JADE3: variants seen among roughly 807,000 people sequenced by gnomAD.
JADE3 encodes the protein jade family PHD finger 3.
Under a neutral mutation model 50.1 loss-of-function variants are expected in JADE3, and 2 were observed. The ratio of observed to expected loss-of-function variants is 0.04; its 90% CI spans 0.02 to 0.13. JADE3 has a LOEUF of 0.13. Among genes scored for constraint, JADE3 ranks in the 10% least tolerant of loss-of-function variants. The pLI, the probability that JADE3 is intolerant of heterozygous loss-of-function variation, is 1.00. For synonymous variants in JADE3, 218 were observed against 232.9 expected, an observed-to-expected ratio of 0.94 and a Z score of 0.58; for missense variants, 475 against 634.4, an observed-to-expected ratio of 0.75 and a Z score of 2.70.
chrX:46,949,301 G>A (rs1238966344), intron 1 of JADE3, among the ~76,000 whole-genome samples: 1 of 111,653 alleles, frequency 9.0e-6, no homozygotes, highest in Non-Finnish European at 1.9e-5. Flanking sequence ...GTTACATATA[G>A]TGCTTATCTG....
At chrX:46,926,655 C>G (rs1295415720) in intron 1 of JADE3, among the ~76,000 whole-genome samples, 1 of 112,524 alleles carries the variant, frequency 8.9e-6, no homozygotes, top group Non-Finnish European at 1.9e-5. Context: ...TTTGTGCTGA[C>G]TCTTTAGTCA....
At chrX:47,018,490 C>T (rs1050667002) in intron 4 of JADE3, among the ~76,000 whole-genome samples, 142 of 110,111 alleles carry the variant, frequency 1.3e-3, no homozygotes, top group African/African-American at 4.2e-3. Flanking sequence ...CCTGCCACCA[C>T]GCCCAGCTAA....
At chrX:46,960,644 C>T (rs782024817) in intron 1 of JADE3, among the ~76,000 whole-genome samples, 1 of 111,719 alleles carries the variant, frequency 9.0e-6, no homozygotes, top group East Asian at 2.8e-4. Flanking sequence ...GCACTGCATC[C>T]CATGAGCCTT....
intron 1 of JADE3, among the ~76,000 whole-genome samples, chrX:46,981,420 T>C (rs1247752714): frequency 8.9e-6 from 1 of 112,169 alleles, no homozygotes; most frequent in Non-Finnish European, 1.9e-5. Context: ...GTATTACTTT[T>C]ATTTCTGCTT....
chrX:47,044,745 T>C (rs1462685095), intron 8 of JADE3, among the ~76,000 whole-genome samples: 1 of 112,000 alleles, frequency 8.9e-6, no homozygotes, highest in Non-Finnish European at 1.9e-5. Context: ...GACAGTATAA[T>C]AAGATGTAAG....
intron 4 of JADE3, among the ~76,000 whole-genome samples, chrX:47,011,347 T>C (rs1422622798): frequency 8.9e-6 from 1 of 112,758 alleles, no homozygotes. Flanking sequence ...AATAATATTC[T>C]GTTATATGGA....
In JADE3 at chrX:46,973,710, AGAG is replaced by A. The variant is rs781918853; in HGVS notation, c.-11-11172_-11-11170del. 7.1e-5 allele frequency among the ~76,000 whole-genome samples: 8 copies of A among 112,493 alleles called. No homozygotes were observed. In the East Asian group the frequency reaches 1.9e-3, roughly 27 times the overall value. On this transcript the variant is annotated intron_variant, in intron 1 of 10. Coordinates refer to ENST00000614628, the MANE Select transcript of JADE3 (RefSeq NM_014735.5). The stretch of plus-strand genomic sequence containing the variant: ...ACAGGCACTTAAACTGTCTTACTAT[AGAG>A]GTTAGGATTGTTTGCCCCAAAGCAG...
chrX:46,993,866 C>T (rs1395666075), intron 3 of JADE3, among the ~76,000 whole-genome samples: 2 of 111,811 alleles, frequency 1.8e-5, no homozygotes, highest in Non-Finnish European at 3.8e-5. Flanking sequence ...TCTGGATAAC[C>T]TGACAACTTT....
intron 1 of JADE3, among the ~76,000 whole-genome samples, chrX:46,951,066 ATTTTTAT>A (rs1926990444): frequency 9.3e-6 from 1 of 107,243 alleles, no homozygotes; most frequent in African/African-American, 3.4e-5. Context: ...ACTTTTTTTT[ATTTTTAT>A]TTTTTATTTT....
chrX:47,058,745 A>G lies in JADE3; in HGVS notation c.2140A>G (p.Arg714Gly), dbSNP rs1556374139. 3 of 1,209,661 alleles carry G rather than the reference A, an allele frequency of 2.5e-6. No homozygotes were observed. The South Asian group carries it at 5.3e-5, about 21-fold the overall frequency. Residue 714 changes from arginine (R) to glycine (G), a missense_variant, in exon 11 of 11, where the codon AGG (arginine) becomes GGG (glycine). Coordinates refer to ENST00000614628, the MANE Select transcript of JADE3 (RefSeq NM_014735.5). ...FRKSTVEHFS[R>G]SFKETTNRWV... Reference sequence around the variant, plus strand: ...AAAATCCACTGTAGAACACTTTAGTAGGTCCTTTAAAGAGACCACCAATAG... The same window carrying G: ...AAAATCCACTGTAGAACACTTTAGTGGGTCCTTTAAAGAGACCACCAATAG...
intron 4 of JADE3, among the ~76,000 whole-genome samples, chrX:47,006,105 C>T (rs1424237524): frequency 4.5e-5 from 5 of 111,647 alleles, no homozygotes; most frequent in Non-Finnish European, 9.4e-5. Flanking sequence ...AATAGTTTAA[C>T]GAAGATTTTA....
chrX:47,049,928 T>C (rs1047171032), intron 8 of JADE3, among the ~76,000 whole-genome samples: 11 of 104,360 alleles, frequency 1.1e-4, no homozygotes, highest in Non-Finnish European at 2.0e-5. Context: ...CACCCGGCAC[T>C]CTTCTTCTTT....
intron 4 of JADE3, among the ~76,000 whole-genome samples, chrX:47,017,034 G>A (rs1342001395): frequency 2.7e-5 from 3 of 111,702 alleles, no homozygotes; most frequent in African/African-American, 6.5e-5. Context: ...TACTCTACTC[G>A]AGCTATAGTA....
intron 6 of JADE3, among the ~76,000 whole-genome samples, chrX:47,029,290 C>G (rs1216082953): frequency 1.8e-5 from 2 of 112,171 alleles, no homozygotes; most frequent in Middle Eastern, 4.6e-3. Context: ...AAGGAGATGT[C>G]AAGTAAACCA....
At chrX:47,014,920 C>T (rs1019544859) in intron 4 of JADE3, among the ~76,000 whole-genome samples, 1 of 112,108 alleles carries the variant, frequency 8.9e-6, no homozygotes, top group Admixed American at 9.5e-5. Context: ...CAAACCCTTG[C>T]AATAATTATT....
intron 8 of JADE3, among the ~76,000 whole-genome samples, chrX:47,040,722 C>A (rs951145835): frequency 8.3e-4 from 93 of 111,639 alleles, no homozygotes; most frequent in African/African-American, 2.9e-3. Context: ...AGGCTGGGGA[C>A]CACTGGCTTT....
chrX:47,033,805 G>T lies in JADE3; in HGVS notation c.855+17G>T, dbSNP rs1556367282. On this transcript the variant is annotated intron_variant, in intron 7 of 10. Transcript: ENST00000614628. ...ATCCCAGAGGTAAGAATTCATCCAGGCCCGTGAGACCATTTGCTCCAGGGT... is the reference window on the plus strand; with the variant it reads ...ATCCCAGAGGTAAGAATTCATCCAGTCCCGTGAGACCATTTGCTCCAGGGT... The T allele has an allele frequency of 2.6e-6, 3 of 1,140,971 alleles. No individual in the cohort carries two copies. The highest frequency in any genetic ancestry group is 2.3e-6 in the Non-Finnish European group (2 of 855,815). The allele number at this position is 1,140,971 out of a possible 1,213,427, so 94.0% of individuals were successfully genotyped here.
At chrX:46,928,436 A>G (rs1926418597) in intron 1 of JADE3, among the ~76,000 whole-genome samples, 1 of 112,227 alleles carries the variant, frequency 8.9e-6, no homozygotes, top group Admixed American at 9.5e-5. Flanking sequence ...ATACAGCTAG[A>G]CAGAGTGATA....
At chrX:46,992,376 C>A (rs1302860677) in intron 3 of JADE3, among the ~76,000 whole-genome samples, 1 of 102,123 alleles carries the variant, frequency 9.8e-6, no homozygotes, top group Admixed American at 1.1e-4. Flanking sequence ...GGGACCCCCC[C>A]CCCCATAACT....
Sources: gnomAD v4.1 joint callset for allele counts (sites outside exome capture counted in the v4.1 genomes callset) on GRCh38, gnomAD v4.1.1 for gene constraint, MANE v1.5 for transcripts, NCBI Gene and HGNC (gene_info 2026-07-23, HGNC 2026-07-21) for gene names.